UBE2R2: variants seen among roughly 807,000 people sequenced by gnomAD.
The protein encoded by UBE2R2 is ubiquitin conjugating enzyme E2 R2.
UBE2R2 carries 1 observed loss-of-function variant against 27.8 expected under a neutral mutation model. The ratio of observed to expected loss-of-function variants is 0.04; its 90% confidence interval spans 0.01 to 0.17. UBE2R2 has a LOEUF of 0.17. Ranked by LOEUF, UBE2R2 falls within the 10% of genes least tolerant of loss-of-function variation. UBE2R2 has a pLI of 1.00. For synonymous variants in UBE2R2, 106 were observed against 113.3 expected, an observed-to-expected ratio of 0.94 and a Z score of 0.41; for missense variants, 100 against 291.0, an observed-to-expected ratio of 0.34 and a Z score of 4.78.
Position 33,818,103 on chromosome 9 carries a change from A to G in UBE2R2, c.177+169A>G, listed in dbSNP as rs373191494. 9.1e-5 allele frequency among the ~76,000 whole-genome samples: 13 copies of G among 143,402 alleles called. No individual in the cohort carries two copies. In the South Asian group the frequency reaches 1.5e-3, roughly 17 times the overall value. The allele number at this position is 143,402 out of a possible 152,430, so 94.1% of individuals were successfully genotyped here. ...GGAGGCAGGAAGGCCTTGCTCGCCGAGTGCCTTTTCTTTGTCATGGGGGCG... is the reference window on the plus strand; with the variant it reads ...GGAGGCAGGAAGGCCTTGCTCGCCGGGTGCCTTTTCTTTGTCATGGGGGCG... On this transcript the variant is annotated intron_variant, in intron 1 of 4. Transcript: ENST00000263228.
intron 1 of UBE2R2, among the ~76,000 whole-genome samples, chr9:33,848,031 A>G (rs1178052584): frequency 6.6e-6 from 1 of 152,142 alleles, no homozygotes; most frequent in Non-Finnish European, 1.5e-5. Context: ...CTGGGATTAC[A>G]TGCAGGAGCC....
chr9:33,838,337 G>T (rs1820659769), intron 1 of UBE2R2, among the ~76,000 whole-genome samples: 2 of 148,406 alleles, frequency 1.3e-5, no homozygotes, highest in African/African-American at 2.5e-5. Flanking sequence ...GGATATGGAG[G>T]GCCTACTGTG....
At chr9:33,858,909 C>G (rs1238997035) in intron 1 of UBE2R2, among the ~76,000 whole-genome samples, 1 of 152,112 alleles carries the variant, frequency 6.6e-6, no homozygotes, top group African/African-American at 2.4e-5. Context: ...ACTGCAACTT[C>G]TGCTCCCCTG....
chr9:33,906,762 C>A (rs896756563), intron 3 of UBE2R2, among the ~76,000 whole-genome samples: 1 of 152,110 alleles, frequency 6.6e-6, no homozygotes, highest in Admixed American at 6.6e-5. Flanking sequence ...TTAGGCCAGG[C>A]GCAGTGGCTC....
intron 1 of UBE2R2, among the ~76,000 whole-genome samples, chr9:33,868,035 G>C (rs1197567775): frequency 6.6e-6 from 1 of 152,188 alleles, no homozygotes; most frequent in Non-Finnish European, 1.5e-5. Flanking sequence ...TTTGAAAGGT[G>C]ATGAATGCAG....
At chr9:33,842,153 A>C (rs1191934116) in intron 1 of UBE2R2, among the ~76,000 whole-genome samples, 1 of 152,178 alleles carries the variant, frequency 6.6e-6, no homozygotes, top group African/African-American at 2.4e-5. Context: ...TAATCCCAGC[A>C]CTTTGGAAGG....
At chr9:33,869,424 T>TTTATTTAC (rs1821433987) in intron 1 of UBE2R2, among the ~76,000 whole-genome samples, 1 of 33,916 alleles carries the variant, frequency 2.9e-5, no homozygotes, top group African/African-American at 1.6e-4. Flanking sequence ...TATACAATGT[T>TTTATTTAC]TTATTTATTT....
At chr9:33,819,430 A>G (rs1161435390) in intron 1 of UBE2R2, among the ~76,000 whole-genome samples, 1 of 152,198 alleles carries the variant, frequency 6.6e-6, no homozygotes, top group Non-Finnish European at 1.5e-5. Flanking sequence ...CGGTACCCCT[A>G]CCAACTGTTA....
chr9:33,857,661 A>T (rs1432299859), intron 1 of UBE2R2, among the ~76,000 whole-genome samples: 1 of 152,218 alleles, frequency 6.6e-6, no homozygotes, highest in Non-Finnish European at 1.5e-5. Context: ...ATGATAAACT[A>T]TACTTGAAAG....
At chr9:33,877,823 GTCTCTCTC>G (rs1554675184) in intron 1 of UBE2R2, among the ~76,000 whole-genome samples, 6 of 131,100 alleles carry the variant, frequency 4.6e-5, no homozygotes, top group East Asian at 2.1e-4. Context: ...CTGTCTGTCT[GTCTCTCTC>G]TCTCTCTCTC....
At position 33,848,248 on chromosome 9, in the gene UBE2R2, A is replaced by G. The variant is rs114138085; in HGVS notation, c.177+30314A>G. ...TCTATTTTCTTTTAATATACTAATCATAGTCATTTTAAAGTCCACGTTTGC... is the reference window on the plus strand; with the variant it reads ...TCTATTTTCTTTTAATATACTAATCGTAGTCATTTTAAAGTCCACGTTTGC... On this transcript the variant is annotated intron_variant, in intron 1 of 4. Coordinates refer to ENST00000263228, the MANE Select transcript of UBE2R2 (RefSeq NM_017811.4). Among the ~76,000 whole-genome samples, 473 of 152,238 alleles carry G rather than the reference A, an allele frequency of 3.1e-3. 3 individuals carry two copies. Among genetic ancestry groups the G allele is most frequent in the African/African-American group, 0.011 (437 of 41,548 alleles).
At chr9:33,819,339 T>TA (rs1825918926) in intron 1 of UBE2R2, among the ~76,000 whole-genome samples, 1 of 152,174 alleles carries the variant, frequency 6.6e-6, no homozygotes, top group African/African-American at 2.4e-5. Flanking sequence ...ATGGGATTGA[T>TA]ACAGGAATGT....
At position 33,856,767 on chromosome 9, in the gene UBE2R2, G is replaced by C. The variant is rs1465924529; in HGVS notation, c.178-30114G>C. Among the ~76,000 whole-genome samples, 11 of 148,144 alleles carry C rather than the reference G, an allele frequency of 7.4e-5. No homozygotes were observed. In the East Asian group the frequency reaches 1.6e-3, roughly 21 times the overall value. On this transcript the variant is annotated intron_variant, in intron 1 of 4. Coordinates refer to ENST00000263228, the MANE Select transcript of UBE2R2 (RefSeq NM_017811.4). ...TTTGTCATTCTCATCTGTAATTCCA[G>C]ATTTTCTATTAGAACTGTAAAACCC...
At position 33,919,227 on chromosome 9, in the gene UBE2R2, T is replaced by C. The variant is rs1395412399; in HGVS notation, c.*1990T>C. 2.6e-5 allele frequency: 4 copies of C among 152,250 alleles called. No homozygotes were observed. Among genetic ancestry groups the C allele is most frequent in the Non-Finnish European group, 5.9e-5 (4 of 68,048 alleles). The allele number at this position is 152,250 out of a possible 1,614,324, so 9.4% of individuals were successfully genotyped here. A position where few individuals can be genotyped will look rare whatever the true frequency, so the allele number is the denominator to read the frequency against. ...CTTTTTACTCCCCATACTTTGTAAGTAATGCTTCCAGATTAACCTGCAAAT... is the reference window on the plus strand; with the variant it reads ...CTTTTTACTCCCCATACTTTGTAAGCAATGCTTCCAGATTAACCTGCAAAT... On this transcript the variant is annotated 3_prime_UTR_variant, in exon 5 of 5. Transcript: ENST00000263228.
rs1271886945 is a variant in UBE2R2, at chr9:33,817,432, TC to T, written c.-316del. The stretch of plus-strand genomic sequence containing the variant: ...CGCCTTCCTCCGCTTCCACCTCCTC[TC>T]CCCCCCCCCAAGTTGAGGCCCCCTC... On this transcript the variant is annotated 5_prime_UTR_variant, in exon 1 of 5. Transcript: ENST00000263228. 251 of 92,186 alleles carry T rather than the reference TC, an allele frequency of 2.7e-3. 1 individual carries two copies. The highest frequency in any genetic ancestry group is 2.6e-3 in the South Asian group (7 of 2,676). 5.7% of individuals were successfully genotyped at this position (92,186 alleles called of 1,614,324 possible). A position where few individuals can be genotyped will look rare whatever the true frequency, so the allele number is the denominator to read the frequency against.
At chr9:33,853,532 G>A (rs1356377416) in intron 1 of UBE2R2, among the ~76,000 whole-genome samples, 3 of 151,896 alleles carry the variant, frequency 2.0e-5, no homozygotes, top group Admixed American at 1.3e-4. Context: ...TGATCCGCCC[G>A]CCTTGGCCTC....
At chr9:33,877,902 A>T (rs1164792575) in intron 1 of UBE2R2, among the ~76,000 whole-genome samples, 2 of 148,312 alleles carry the variant, frequency 1.3e-5, no homozygotes, top group East Asian at 3.9e-4. Context: ...ATTACAGGCA[A>T]CTGCCATCAC....
rs1822681523 is a variant in UBE2R2, at chr9:33,917,624, G to C, written c.*387G>C. The C allele has an allele frequency of 5.5e-6, 2 of 362,710 alleles. No individual in the cohort carries two copies. The highest frequency in any genetic ancestry group is 9.8e-6 in the Non-Finnish European group (2 of 204,002). 22.5% of individuals were successfully genotyped at this position (362,710 alleles called of 1,614,324 possible). A position where few individuals can be genotyped will look rare whatever the true frequency, so the allele number is the denominator to read the frequency against. On this transcript the variant is annotated 3_prime_UTR_variant, in exon 5 of 5. Transcript: ENST00000263228. ...AAGATGTTTAATGTGTTTAAAGCTG[G>C]GAACCTGTTGGGAGTTCACAAGTGC... is the stretch of plus-strand genomic sequence containing the variant.
chr9:33,920,055 AC>A lies in UBE2R2; in HGVS notation c.*2819del, dbSNP rs1822773858. The A allele has an allele frequency of 1.3e-5, 2 of 152,384 alleles. No homozygotes were observed. The highest frequency in any genetic ancestry group is 1.3e-4 in the Admixed American group (2 of 15,260). 9.4% of individuals were successfully genotyped at this position (152,384 alleles called of 1,614,324 possible). A position where few individuals can be genotyped will look rare whatever the true frequency, so the allele number is the denominator to read the frequency against. ...TGCTTCTTTACTTGCTGGTTTCCTT[AC>A]GTTTGGGGCACATGTTGTAAGAAAC... On this transcript the variant is annotated 3_prime_UTR_variant, in exon 5 of 5. Coordinates refer to ENST00000263228, the MANE Select transcript of UBE2R2 (RefSeq NM_017811.4).
Sources: allele counts gnomAD v4.1 joint callset (sites outside exome capture counted in the v4.1 genomes callset), GRCh38; gene constraint gnomAD v4.1.1; transcripts MANE v1.5; gene names NCBI Gene and HGNC (gene_info 2026-07-23, HGNC 2026-07-21).